CUX1: variants seen among roughly 807,000 people sequenced by gnomAD.
CUX1 encodes the protein cut like homeobox 1, also known as protein CASP.
Under a neutral mutation model 158.8 loss-of-function variants are expected in CUX1, and 31 were observed. The ratio of observed to expected loss-of-function variants is 0.20; its 90% CI spans 0.15 to 0.26. The LOEUF is 0.26. Ranked by LOEUF, CUX1 falls within the 10% of genes least tolerant of loss-of-function variation. CUX1 has a pLI of 1.00. For missense variants in CUX1, 1,589 were observed against 2,014.6 expected (o/e 0.79, Z 4.04); for synonymous variants, 879 against 862.1 (o/e 1.02, Z -0.34).
intron 8 of CUX1, among the ~76,000 whole-genome samples, chr7:102,124,932 G>A (rs575272597): frequency 6.6e-6 from 1 of 152,018 alleles, no homozygotes; most frequent in Non-Finnish European, 1.5e-5. Flanking sequence ...CAGGCACAGG[G>A]CACCACGCCC....
chr7:101,969,359 C>CAAAAAAAAAAAAAAAAAAAAAAACAA (rs1811641271), intron 2 of CUX1, among the ~76,000 whole-genome samples: 1 of 56,112 alleles, frequency 1.8e-5, no homozygotes, highest in Non-Finnish European at 3.2e-5. Context: ...CAAAAAACAG[C>CAAAAAAAAAAAAAAAAAAAAAAACAA]AAAAAAAAAA....
At chr7:101,952,667 C>T (rs1809224741) in intron 2 of CUX1, among the ~76,000 whole-genome samples, 1 of 152,206 alleles carries the variant, frequency 6.6e-6, no homozygotes, top group African/African-American at 2.4e-5. Context: ...GTTTCTCCCA[C>T]CCACGCATTT....
At chr7:102,106,743 C>T (rs1305331653) in intron 6 of CUX1, among the ~76,000 whole-genome samples, 5 of 152,172 alleles carry the variant, frequency 3.3e-5, no homozygotes, top group Admixed American at 3.3e-4. Context: ...TCCTACCTCA[C>T]GAGACCAGTC....
chr7:102,279,404 C>G (rs1383383151), intron 18 of CUX1, among the ~76,000 whole-genome samples: 4 of 152,206 alleles, frequency 2.6e-5, no homozygotes, highest in Non-Finnish European at 4.4e-5. Context: ...CAAAAAGCAA[C>G]CAAGAGAGTG....
chr7:102,181,898 A>G (rs1167754825), intron 11 of CUX1, among the ~76,000 whole-genome samples: 8 of 152,250 alleles, frequency 5.3e-5, no homozygotes, highest in Admixed American at 5.2e-4. Flanking sequence ...GAATACAATT[A>G]TTAGGAAAAT....
chr7:101,908,019 C>A (rs1802955007), intron 1 of CUX1, among the ~76,000 whole-genome samples: 1 of 152,082 alleles, frequency 6.6e-6, no homozygotes, highest in African/African-American at 2.4e-5. Context: ...GCTTAAAATA[C>A]CAAAGGTACC....
chr7:102,028,157 T>C lies in CUX1; in HGVS notation c.189+12T>C. ...GTTTCCAAGGAGAGGTAAGCTTTTC[T>C]ATTCATTTTCTATCCTGAGCCACCC... On this transcript the variant is annotated intron_variant, in intron 3 of 23. Transcript: ENST00000292535. 2 of 1,613,264 alleles carry C rather than the reference T, an allele frequency of 1.2e-6. No individual in the cohort carries two copies. Among genetic ancestry groups the C allele is most frequent in the Non-Finnish European group, 1.7e-6 (2 of 1,179,838 alleles).
intron 10 of CUX1, among the ~76,000 whole-genome samples, chr7:102,177,496 A>G (rs1476778591): frequency 1.3e-5 from 2 of 152,108 alleles, no homozygotes; most frequent in Non-Finnish European, 1.5e-5. Context: ...CTTCCGGGTA[A>G]TTTAACAGTG....
At chr7:102,168,912 TATTTTCTTTTCTTTTCTTTTA>T (rs1791373180) in intron 9 of CUX1, among the ~76,000 whole-genome samples, 4 of 119,558 alleles carry the variant, frequency 3.3e-5, no homozygotes, top group African/African-American at 8.1e-5. Flanking sequence ...TCTTTTCTTT[TATTTTCTTTTCTTTTCTTTTA>T]TTTTCTTTTT....
At chr7:102,126,752 G>C (rs925588370) in intron 8 of CUX1, among the ~76,000 whole-genome samples, 1 of 152,144 alleles carries the variant, frequency 6.6e-6, no homozygotes, top group Non-Finnish European at 1.5e-5. Context: ...CAGTGCAGTG[G>C]GGGGCGCGGT....
chr7:101,891,136 T>C (rs897188761), intron 1 of CUX1, among the ~76,000 whole-genome samples: 17 of 152,222 alleles, frequency 1.1e-4, no homozygotes, highest in Non-Finnish European at 2.5e-4. Flanking sequence ...AAAAATGTTT[T>C]ATTTGTCTCA....
chr7:102,238,063 A>T (rs894261514), intron 22 of CUX1, among the ~76,000 whole-genome samples: 3 of 152,224 alleles, frequency 2.0e-5, no homozygotes, highest in Non-Finnish European at 4.4e-5. Flanking sequence ...ATGAAGGCAG[A>T]CTAGGAGCGT....
At chr7:101,848,275 C>CT (rs1795919899) in intron 1 of CUX1, among the ~76,000 whole-genome samples, 4 of 152,020 alleles carry the variant, frequency 2.6e-5, no homozygotes, top group African/African-American at 9.6e-5. Context: ...AAAATATCTG[C>CT]TTACACGTTA....
At chr7:102,080,312 A>C (rs1827234395) in intron 4 of CUX1, among the ~76,000 whole-genome samples, 1 of 152,150 alleles carries the variant, frequency 6.6e-6, no homozygotes, top group Non-Finnish European at 1.5e-5. Context: ...CACGCCGGGT[A>C]TCTAGACAGC....
intron 1 of CUX1, among the ~76,000 whole-genome samples, chr7:101,914,078 C>T (rs1343063063): frequency 6.6e-6 from 1 of 151,946 alleles, no homozygotes; most frequent in Non-Finnish European, 1.5e-5. Flanking sequence ...CCCTGCCTTC[C>T]CTTAACTGGG....
rs550140677 is a variant in CUX1 at position 102,142,097 on chromosome 7, T to A, written c.675-16463T>A. Among the ~76,000 whole-genome samples the A allele has an allele frequency of 2.6e-5, 4 of 152,236 alleles. 1 individual carries two copies. The highest frequency in any genetic ancestry group is 2.6e-4 in the Admixed American group (4 of 15,282). On this transcript the variant is annotated intron_variant, in intron 8 of 23. Transcript: ENST00000292535. ...CACTGCGCCGCCCTGCACCTCAGTT[T>A]CCCCACTTGTGAAATCCTAGCAGTC...
intron 13 of CUX1, 30 bp from the exon 14 acceptor site, chr7:102,195,477 G>T: frequency 1.3e-6 from 2 of 1,582,636 alleles, no homozygotes; most frequent in Non-Finnish European, 1.7e-6. Flanking sequence ...GGCCGGCCCC[G>T]CAGTGAGACC....
In CUX1 at chr7:101,863,420, G is replaced by T. The variant is rs1045501878; in HGVS notation, c.30+45751G>T. On this transcript the variant is annotated intron_variant, in intron 1 of 23. Coordinates refer to ENST00000292535, the MANE Select transcript of CUX1 (RefSeq NM_181552.4). The stretch of plus-strand genomic sequence containing the variant: ...GGCTGGAGTGCAGTGGCATGATCTT[G>T]GCTCACTGCAACCTCTGCCTCTTGA... 4.1e-5 allele frequency among the ~76,000 whole-genome samples: 6 copies of T among 147,988 alleles called. No homozygotes were observed. In the Admixed American group the frequency reaches 4.1e-4, roughly 10 times the overall value.
At chr7:101,893,174 T>TTC (rs1562971481) in intron 1 of CUX1, among the ~76,000 whole-genome samples, 1 of 110,918 alleles carries the variant, frequency 9.0e-6, no homozygotes, top group Non-Finnish European at 1.8e-5. Flanking sequence ...TTTTTTTTTT[T>TTC]TTTTTTTTTT....
Sources: allele counts gnomAD v4.1 joint callset (sites outside exome capture counted in the v4.1 genomes callset), GRCh38; gene constraint gnomAD v4.1.1; transcripts MANE v1.5; gene names NCBI Gene and HGNC (gene_info 2026-07-23, HGNC 2026-07-21).